The following ACER2 variants were observed in gnomAD, a reference collection of about 807,000 sequenced individuals.
ACER2 encodes alkaline ceramidase 2.
Under a neutral mutation model 34.7 loss-of-function variants are expected in ACER2, and 26 were observed. The ratio of observed to expected loss-of-function variants is 0.75; its 90% CI spans 0.55 to 1.04. The LOEUF (loss-of-function observed/expected upper bound fraction) is 1.04. Ranked by LOEUF, ACER2 falls within the 50% of genes least tolerant of loss-of-function variation. The pLI is 0.00. For synonymous variants in ACER2, 138 were observed against 132.1 expected, an observed-to-expected ratio of 1.04 and a Z score of -0.31; for missense variants, 352 against 340.8, an observed-to-expected ratio of 1.03 and a Z score of -0.26.
intron 3 of ACER2, among the ~76,000 whole-genome samples, chr9:19,433,313 G>A (rs10811182): frequency 0.19 from 28,198 of 151,654 alleles, 2,700 homozygotes; most frequent in South Asian, 0.29. Flanking sequence ...CTTCCGCAGC[G>A]TTTGGGTCCC....
At chr9:19,444,454 G>A (rs564366257) in intron 4 of ACER2, among the ~76,000 whole-genome samples, 2 of 151,760 alleles carry the variant, frequency 1.3e-5, no homozygotes, top group African/African-American at 2.4e-5. Flanking sequence ...CCTCTGGTCC[G>A]CCCGCCTCGG....
Position 19,409,197 on chromosome 9 carries a change from G to T in ACER2, c.108+5G>T. The stretch of plus-strand genomic sequence containing the variant: ...ATCGCCGAGTTCTACAACACGGTGC[G>T]GGGCGCGGGAGCGGGGAAGGCAGGC... On this transcript the variant is annotated splice_donor_5th_base_variant and intron_variant, in intron 1 of 5. Transcript: ENST00000340967. The T allele has an allele frequency of 6.3e-7, 1 of 1,577,576 alleles. No individual in the cohort carries two copies. Among genetic ancestry groups the T allele is most frequent in the East Asian group, 2.3e-5 (1 of 43,046 alleles).
rs779788593 is a variant in ACER2, at chr9:19,434,977, G to A, written c.396G>A (p.Leu132=). ...RGRFKVVVSV[L]SAVTTCLAFV... is the part of the protein sequence containing the mutation. The stretch of plus-strand genomic sequence containing the variant: ...GGTTCAAGGTGGTGGTCAGTGTCCT[G>A]TCTGCGGTTACGACGTGCCTGGCAT... Residue 132 remains leucine, a synonymous_variant, in exon 4 of 6, where the codon CTG becomes CTA. Coordinates refer to ENST00000340967, the MANE Select transcript of ACER2 (RefSeq NM_001010887.3). The A allele has an allele frequency of 2.5e-6, 4 of 1,614,046 alleles. No individual in the cohort carries two copies. The highest frequency in any genetic ancestry group is 2.7e-5 in the African/African-American group (2 of 75,020).
intron 3 of ACER2, among the ~76,000 whole-genome samples, chr9:19,428,512 G>C (rs1052114809): frequency 1.3e-5 from 2 of 151,946 alleles, no homozygotes; most frequent in Non-Finnish European, 2.9e-5. Context: ...GTTTTAATGT[G>C]AGATTTTTGG....
At chr9:19,435,389 A>G (rs1220754338) in intron 4 of ACER2, among the ~76,000 whole-genome samples, 2 of 152,206 alleles carry the variant, frequency 1.3e-5, no homozygotes, top group Non-Finnish European at 1.5e-5. Context: ...GAAAAGTCCT[A>G]GAAAGGTTAT....
chr9:19,448,302 T>C (rs1831440097), intron 5 of ACER2, among the ~76,000 whole-genome samples: 1 of 152,174 alleles, frequency 6.6e-6, no homozygotes, highest in Admixed American at 6.5e-5. Flanking sequence ...GCATGAGCCA[T>C]TGAGCCTGGC....
rs72700443 is a variant in ACER2, at chr9:19,427,113, G to T, written c.365+2272G>T. Among the ~76,000 whole-genome samples, 1,129 of 152,188 alleles carry T rather than the reference G, an allele frequency of 7.4e-3. 15 individuals are homozygous for T. The highest frequency in any genetic ancestry group is 0.031 in the Middle Eastern group (9 of 294). ...ACTTGCAGACTGTATGACTTGTCTTGACTCTTTCTATTTCCCTATCTGTAA... is the reference window on the plus strand; with the variant it reads ...ACTTGCAGACTGTATGACTTGTCTTTACTCTTTCTATTTCCCTATCTGTAA... On this transcript the variant is annotated intron_variant, in intron 3 of 5. Transcript: ENST00000340967.
chr9:19,428,801 TTTTTTTG>T (rs1414863623), intron 3 of ACER2, among the ~76,000 whole-genome samples: 15 of 139,638 alleles, frequency 1.1e-4, no homozygotes, highest in African/African-American at 3.8e-4. Flanking sequence ...TTTTTTTTTT[TTTTTTTG>T]AGATGAAGTC....
intron 3 of ACER2, among the ~76,000 whole-genome samples, chr9:19,426,385 T>TCTCTCTCC: frequency 6.7e-6 from 1 of 149,396 alleles, no homozygotes; most frequent in African/African-American, 2.5e-5. Context: ...TCTCTCTCTC[T>TCTCTCTCC]CTCTCTCCTC....
intron 3 of ACER2, among the ~76,000 whole-genome samples, chr9:19,432,642 A>C (rs1237537143): frequency 1.3e-5 from 2 of 148,284 alleles, no homozygotes; most frequent in South Asian, 4.2e-4. Context: ...ATTAATGCAC[A>C]TATTTAATTA....
At chr9:19,433,959 C>G (rs1329871538) in intron 3 of ACER2, among the ~76,000 whole-genome samples, 1 of 151,884 alleles carries the variant, frequency 6.6e-6, no homozygotes, top group Non-Finnish European at 1.5e-5. Context: ...GGCTGACCCC[C>G]CCACCTCCCT....
chr9:19,436,083 CTTT>C (rs78161264), intron 4 of ACER2, among the ~76,000 whole-genome samples: 1 of 143,716 alleles, frequency 7.0e-6, no homozygotes, highest in Admixed American at 7.0e-5. Context: ...GAAAGCCCTT[CTTT>C]TTTTTTTTTT....
At chr9:19,439,344 C>CTTTTTTTTTTTTTTTTTTT in intron 4 of ACER2, among the ~76,000 whole-genome samples, 1 of 138,752 alleles carries the variant, frequency 7.2e-6, no homozygotes, top group Non-Finnish European at 1.5e-5. Flanking sequence ...AAGGGGCTTG[C>CTTTTTTTTTTTTTTTTTTT]TTTTTTTTTT....
chr9:19,424,457 G>A (rs890823027), intron 2 of ACER2: 23 of 985,364 alleles, frequency 2.3e-5, no homozygotes, highest in Non-Finnish European at 2.5e-5. Flanking sequence ...GACAGAATGC[G>A]TTTAACTGTG....
chr9:19,423,169 G>T (rs1156492068), intron 1 of ACER2, among the ~76,000 whole-genome samples: 1 of 152,054 alleles, frequency 6.6e-6, no homozygotes, highest in Non-Finnish European at 1.5e-5. Flanking sequence ...CTTAAAAAAG[G>T]ATTGTGAAAA....
rs370469884 is a variant in ACER2 at position 19,450,951 on chromosome 9, G to A, written c.*315G>A. 5.1e-6 allele frequency: 1 copy of A among 194,722 alleles called. No homozygotes were observed. Among genetic ancestry groups the A allele is most frequent in the East Asian group, 1.2e-4 (1 of 8,258 alleles). The allele number at this position is 194,722 out of a possible 1,614,324, so 12.1% of individuals were successfully genotyped here. A position where few individuals can be genotyped will look rare whatever the true frequency, so the allele number is the denominator to read the frequency against. On this transcript the variant is annotated 3_prime_UTR_variant, in exon 6 of 6. Coordinates refer to ENST00000340967, the MANE Select transcript of ACER2 (RefSeq NM_001010887.3). ...TTTCTTTAGGATTTCTGGATTTTGTGTAATTTTTAAAAAGGTCCCCTCCTC... is the reference window on the plus strand; with the variant it reads ...TTTCTTTAGGATTTCTGGATTTTGTATAATTTTTAAAAAGGTCCCCTCCTC...
In ACER2 at chr9:19,450,618, A is replaced by G. The variant is rs1343853033; in HGVS notation, c.810A>G (p.Ser270=). The change falls in exon 6 of 6, where the codon TCA becomes TCG. Residue 270 remains serine, a synonymous_variant. Transcript: ENST00000340967. ...CCCTCCTGTGTGCCAACAAGAAATC[A>G]TCAGTCAAGATCACGTGATGGCAAG... The part of the protein sequence containing the change: ...YVSLLCANKK[S]SVKIT 1.9e-6 allele frequency: 3 copies of G among 1,567,484 alleles called. No individual in the cohort carries two copies. Among genetic ancestry groups the G allele is most frequent in the African/African-American group, 2.7e-5 (2 of 74,348 alleles).
chr9:19,437,999 C>T (rs1831027797), intron 4 of ACER2, among the ~76,000 whole-genome samples: 1 of 152,194 alleles, frequency 6.6e-6, no homozygotes, highest in African/African-American at 2.4e-5. Flanking sequence ...CCCATTACCT[C>T]TGAAAAGTCA....
chr9:19,446,175 G>C, intron 4 of ACER2, 106 bp from the exon 5 acceptor site: 1 of 1,501,920 alleles, frequency 6.7e-7, no homozygotes, highest in Non-Finnish European at 9.3e-7. Context: ...CAGTGTCTTG[G>C]GGTTGTAGGC....
Sources: gnomAD v4.1 joint callset for allele counts (sites outside exome capture counted in the v4.1 genomes callset) on GRCh38, gnomAD v4.1.1 for gene constraint, MANE v1.5 for transcripts, NCBI Gene and HGNC (gene_info 2026-07-23, HGNC 2026-07-21) for gene names.